Variants in SNTG1 observed in about 807,000 individuals in gnomAD.
The protein encoded by SNTG1 is syntrophin gamma 1.
In SNTG1, 39 loss-of-function variants were observed where a neutral mutation model predicts 74.7. The ratio of observed to expected loss-of-function variants is 0.52; its 90% CI spans 0.40 to 0.68. SNTG1 has a LOEUF of 0.68. SNTG1 is among the 30% of genes least tolerant of loss of function. The pLI is 0.00. For missense variants in SNTG1, 685 were observed against 609.5 expected, an observed-to-expected ratio of 1.12 and a Z score of -1.30; for synonymous variants, 254 against 217.1, an observed-to-expected ratio of 1.17 and a Z score of -1.49.
chr8:50,131,153 T>C (rs912648074), intron 1 of SNTG1, among the ~76,000 whole-genome samples: 1 of 152,060 alleles, frequency 6.6e-6, no homozygotes, highest in Non-Finnish European at 1.5e-5. Flanking sequence ...ATGTAAAATA[T>C]GTGTATTATA....
Position 50,394,258 on chromosome 8 carries a change from G to T in SNTG1, c.20G>T (p.Cys7Phe). Reference protein sequence around the residue: MDFRTACEETKTGICLL... With the variant: MDFRTAFEETKTGICLL... ...CAGCACATGGATTTCAGAACCGCCT[G>T]TGAGGAGGTGAGTACAGAGCTTTCT... Residue 7 changes from cysteine (C) to phenylalanine (F), a missense_variant, in exon 3 of 19, where the codon TGT becomes TTT. Coordinates refer to ENST00000642720, the MANE Select transcript of SNTG1 (RefSeq NM_018967.5). 6.2e-7 allele frequency: 1 copy of T among 1,613,068 alleles called. No homozygotes were observed. Among genetic ancestry groups the T allele is most frequent in the Non-Finnish European group, 8.5e-7 (1 of 1,179,384 alleles).
At chr8:50,599,516 G>A (rs1346701508) in intron 13 of SNTG1, among the ~76,000 whole-genome samples, 1 of 151,388 alleles carries the variant, frequency 6.6e-6, no homozygotes, top group Non-Finnish European at 1.5e-5. Flanking sequence ...TTCTTTTTTT[G>A]CATCCTTTTT....
At chr8:49,960,429 C>G (rs773143286) in intron 1 of SNTG1, among the ~76,000 whole-genome samples, 1 of 152,060 alleles carries the variant, frequency 6.6e-6, no homozygotes, top group Non-Finnish European at 1.5e-5. Context: ...CCACTTACAG[C>G]ATAATATACA....
intron 4 of SNTG1, among the ~76,000 whole-genome samples, chr8:50,415,291 G>A (rs1004055609): frequency 2.6e-5 from 4 of 152,054 alleles, no homozygotes; most frequent in Admixed American, 6.6e-5. Flanking sequence ...CTGCAGAAAA[G>A]CATTTACATT....
chr8:50,120,157 CT>C, intron 1 of SNTG1, among the ~76,000 whole-genome samples: 1 of 141,090 alleles, frequency 7.1e-6, no homozygotes, highest in Middle Eastern at 3.8e-3. Flanking sequence ...TAGTAACTAC[CT>C]TTTTGGGTTA....
chr8:50,184,706 T>C (rs1317664495), intron 2 of SNTG1, among the ~76,000 whole-genome samples: 1 of 152,174 alleles, frequency 6.6e-6, no homozygotes, highest in Non-Finnish European at 1.5e-5. Flanking sequence ...CCAGTGAGTT[T>C]ACCCCTGACT....
rs184729603 is a variant in SNTG1, at chr8:50,095,036, A to G, written c.-102-77525A>G. 1.3e-3 allele frequency among the ~76,000 whole-genome samples: 204 copies of G among 152,280 alleles called. 1 individual carries two copies. Among genetic ancestry groups the G allele is most frequent in the Admixed American group, 5.5e-3 (84 of 15,284 alleles). On this transcript the variant is annotated intron_variant, in intron 1 of 18. Coordinates refer to ENST00000642720, the MANE Select transcript of SNTG1 (RefSeq NM_018967.5). ...GGTTGCAGCTGGAGGACATTATCCT[A>G]AGCAAGCTAATGCAGAAACAGAAAA...
At chr8:49,927,093 C>T (rs867613996) in intron 1 of SNTG1, among the ~76,000 whole-genome samples, 5 of 152,196 alleles carry the variant, frequency 3.3e-5, no homozygotes, top group Middle Eastern at 3.4e-3. Flanking sequence ...AAATCTAAAA[C>T]ACTGACAATA....
chr8:50,030,485 T>G (rs193288158), intron 1 of SNTG1, among the ~76,000 whole-genome samples: 58 of 152,242 alleles, frequency 3.8e-4, no homozygotes, highest in Non-Finnish European at 6.3e-4. Flanking sequence ...AAATTTTACA[T>G]TTTAATTTAT....
chr8:50,436,844 A>G (rs544213128), intron 4 of SNTG1, among the ~76,000 whole-genome samples: 1 of 152,106 alleles, frequency 6.6e-6, no homozygotes, highest in Non-Finnish European at 1.5e-5. Flanking sequence ...CACATGTTTA[A>G]CCTTCCTTTT....
intron 17 of SNTG1, among the ~76,000 whole-genome samples, chr8:50,749,871 C>T (rs1359530107): frequency 6.6e-6 from 1 of 152,008 alleles, no homozygotes; most frequent in East Asian, 1.9e-4. Context: ...TGCAAGGAGG[C>T]TAATGTCTTC....
chr8:50,461,531 A>C, intron 8 of SNTG1, among the ~76,000 whole-genome samples: 1 of 152,116 alleles, frequency 6.6e-6, no homozygotes, highest in South Asian at 2.1e-4. Context: ...TTTATTATTT[A>C]TCTGATCATT....
intron 2 of SNTG1, chr8:50,286,877 G>A (rs2088817389): frequency 6.6e-6 from 1 of 152,188 alleles, no homozygotes; most frequent in African/African-American, 2.4e-5. Context: ...TGACTCAGCT[G>A]AAGCAGCTCT....
intron 1 of SNTG1, among the ~76,000 whole-genome samples, chr8:49,913,825 C>A (rs745708873): frequency 6.6e-6 from 1 of 152,152 alleles, no homozygotes; most frequent in Non-Finnish European, 1.5e-5. Flanking sequence ...CAGAGGGACT[C>A]CCCTAGTCAG....
At chr8:50,624,879 T>G (rs946429130) in intron 13 of SNTG1, among the ~76,000 whole-genome samples, 2 of 152,168 alleles carry the variant, frequency 1.3e-5, no homozygotes, top group Admixed American at 6.6e-5. Flanking sequence ...AAAGTGACTC[T>G]GTCTTCCACA....
At chr8:50,118,534 A>G (rs911384349) in intron 1 of SNTG1, among the ~76,000 whole-genome samples, 2 of 96,774 alleles carry the variant, frequency 2.1e-5, no homozygotes, top group African/African-American at 6.8e-5. Context: ...AGAGGATGTT[A>G]GTTATTGACT....
At chr8:50,451,561 G>A (rs1302470787) in intron 8 of SNTG1, among the ~76,000 whole-genome samples, 5 of 152,092 alleles carry the variant, frequency 3.3e-5, no homozygotes, top group African/African-American at 7.2e-5. Flanking sequence ...AATAGACAGA[G>A]TAGTCATCCA....
chr8:50,790,486 A>T (rs2095687844), intron 18 of SNTG1, among the ~76,000 whole-genome samples: 1 of 151,932 alleles, frequency 6.6e-6, no homozygotes, highest in South Asian at 2.1e-4. Context: ...GATGTTCATC[A>T]TCAGTGGATG....
rs542540560 is a variant in SNTG1 at position 50,260,378 on chromosome 8, AG to A, written c.-28+87745del. On this transcript the variant is annotated intron_variant, in intron 2 of 18. Transcript: ENST00000642720. ...AAGGATTTGTTAAGTCACAACACAGAGGCACAAGCTCACTAAAAAACAGAAC... is the reference window on the plus strand; with the variant it reads ...AAGGATTTGTTAAGTCACAACACAGAGCACAAGCTCACTAAAAAACAGAAC... 4.5e-3 allele frequency among the ~76,000 whole-genome samples: 682 copies of A among 152,260 alleles called. 6 individuals carry two copies. Among genetic ancestry groups the A allele is most frequent in the African/African-American group, 0.016 (654 of 41,550 alleles).
Sources: gnomAD v4.1 joint callset for allele counts (sites outside exome capture counted in the v4.1 genomes callset) on GRCh38, gnomAD v4.1.1 for gene constraint, MANE v1.5 for transcripts, NCBI Gene and HGNC (gene_info 2026-07-23, HGNC 2026-07-21) for gene names.